Variants in DPP10 observed in about 807,000 individuals in gnomAD.
DPP10 encodes inactive dipeptidyl peptidase 10.
Under a neutral mutation model 120.9 loss-of-function variants are expected in DPP10, and 33 were observed. That is an observed-to-expected ratio of 0.27 (90% CI 0.21 to 0.37). The LOEUF is 0.37. DPP10 is among the 10% of genes least tolerant of loss of function. DPP10 has a pLI of 1.00. For missense variants in DPP10, 816 were observed against 942.8 expected (o/e 0.87, Z 1.76); for synonymous variants, 337 against 326.1 (o/e 1.03, Z -0.36).
At position 115,780,879 on chromosome 2, in the gene DPP10, C is replaced by A; in HGVS notation, c.1367C>A (p.Ser456Tyr). The A allele has an allele frequency of 1.2e-6, 2 of 1,600,336 alleles. No individual in the cohort carries two copies. The highest frequency in any genetic ancestry group is 8.5e-7 in the Non-Finnish European group (1 of 1,171,780). Residue 456 changes from serine to tyrosine, a missense_variant, in exon 16 of 26, where the codon TCT (serine) becomes TAT (tyrosine). By Grantham distance (144) the Ser-to-Tyr change is moderately radical (BLOSUM62 -2). This residue lies in a region of DPP10 where 592 missense variants were observed against 649.0 expected (regional missense o/e 0.91). Coordinates refer to ENST00000410059, the MANE Select transcript of DPP10 (RefSeq NM_020868.6). The part of the protein sequence containing the change: ...SPRGRQLYSA[S>Y]TEGLLNRQCI... ...CTTCCTTTTTCTTTCTCCAGTGCTT[C>A]TACTGAAGGATTATTGAATCGCCAA...
intron 1 of DPP10, among the ~76,000 whole-genome samples, chr2:115,137,048 T>C (rs772197403): frequency 3.3e-5 from 5 of 152,032 alleles, no homozygotes; most frequent in African/African-American, 1.2e-4. Context: ...AACAAGGCAG[T>C]CCCAGAGTAG....
At chr2:115,659,056 T>C (rs188142578) in intron 5 of DPP10, among the ~76,000 whole-genome samples, 271 of 152,246 alleles carry the variant, frequency 1.8e-3, no homozygotes, top group African/African-American at 6.3e-3. Flanking sequence ...GCCATTATTA[T>C]TGAGTGGGTT....
intron 3 of DPP10, among the ~76,000 whole-genome samples, chr2:115,433,782 G>A (rs1574833252): frequency 6.6e-6 from 1 of 151,914 alleles, no homozygotes; most frequent in African/African-American, 2.4e-5. Context: ...CAGGGCTGAT[G>A]TTTTCTGTAA....
chr2:114,865,396 T>C (rs1690143463), intron 1 of DPP10, among the ~76,000 whole-genome samples: 1 of 152,238 alleles, frequency 6.6e-6, no homozygotes, highest in Non-Finnish European at 1.5e-5. Context: ...CTGAGTGACT[T>C]GCTTGCAGAA....
At chr2:115,405,038 T>C (rs11683441) in intron 3 of DPP10, among the ~76,000 whole-genome samples, 77,501 of 151,988 alleles carry the variant, frequency 0.51, 21,151 homozygotes, top group Non-Finnish European at 0.63. Context: ...ATGAAAAATG[T>C]TTTCAACCCA....
chr2:115,579,392 T>G (rs2081883191), intron 5 of DPP10: 1 of 152,172 alleles, frequency 6.6e-6, no homozygotes, highest in African/African-American at 2.4e-5. Context: ...ACAGACAAGT[T>G]TTTTAAAGCA....
chr2:114,509,484 T>G (rs571263739), intron 1 of DPP10, among the ~76,000 whole-genome samples: 34 of 152,156 alleles, frequency 2.2e-4, no homozygotes, highest in Non-Finnish European at 4.1e-4. Context: ...GTTTGGAGGG[T>G]AGCAGGCCTG....
At chr2:115,592,144 G>T (rs1026058007) in intron 5 of DPP10, among the ~76,000 whole-genome samples, 1 of 152,134 alleles carries the variant, frequency 6.6e-6, no homozygotes, top group African/African-American at 2.4e-5. Context: ...TATTTAATGT[G>T]TACACGTGAG....
chr2:114,585,109 G>A (rs1401606546), intron 1 of DPP10, among the ~76,000 whole-genome samples: 1 of 152,180 alleles, frequency 6.6e-6, no homozygotes, highest in Non-Finnish European at 1.5e-5. Flanking sequence ...TCACTGCATA[G>A]CTGGGTTCTC....
At chr2:114,812,411 C>T (rs898673174) in intron 1 of DPP10, among the ~76,000 whole-genome samples, 1 of 151,770 alleles carries the variant, frequency 6.6e-6, no homozygotes, top group Non-Finnish European at 1.5e-5. Flanking sequence ...CATGGCAAGA[C>T]CTCATCTCTA....
At chr2:115,246,809 A>G (rs1673336476) in intron 1 of DPP10, among the ~76,000 whole-genome samples, 1 of 152,174 alleles carries the variant, frequency 6.6e-6, no homozygotes, top group South Asian at 2.1e-4. Context: ...TAAAATAAGT[A>G]TAACCACATC....
At chr2:114,728,427 C>T (rs895692878) in intron 1 of DPP10, among the ~76,000 whole-genome samples, 7 of 152,158 alleles carry the variant, frequency 4.6e-5, no homozygotes, top group East Asian at 1.9e-4. Flanking sequence ...TTCTGAGCCT[C>T]GGGTGTTTGT....
intron 1 of DPP10, among the ~76,000 whole-genome samples, chr2:115,296,677 C>A (rs2060898781): frequency 6.6e-6 from 1 of 152,062 alleles, no homozygotes; most frequent in Admixed American, 6.6e-5. Context: ...GCATCTTGCA[C>A]CACAGTGCTG....
At chr2:115,822,783 G>A (rs754157303) in intron 21 of DPP10, among the ~76,000 whole-genome samples, 2 of 151,784 alleles carry the variant, frequency 1.3e-5, no homozygotes, top group Non-Finnish European at 2.9e-5. Flanking sequence ...TATTAAAAAT[G>A]TGTTAAAATC....
chr2:115,160,378 A>T (rs573161035), intron 1 of DPP10, among the ~76,000 whole-genome samples: 1 of 152,282 alleles, frequency 6.6e-6, no homozygotes. Context: ...ATTTAGGACA[A>T]CATTATAATT....
intron 1 of DPP10, among the ~76,000 whole-genome samples, chr2:115,136,966 T>G (rs1260252743): frequency 6.6e-6 from 1 of 152,200 alleles, no homozygotes; most frequent in African/African-American, 2.4e-5. Flanking sequence ...TGAAGTTCAG[T>G]TAGCTCAGTC....
chr2:115,785,641 C>G (rs1168965739), intron 17 of DPP10, among the ~76,000 whole-genome samples: 1 of 152,106 alleles, frequency 6.6e-6, no homozygotes, highest in Non-Finnish European at 1.5e-5. Context: ...TCATAATAGT[C>G]TCTGAAGGCT....
At chr2:114,582,841 C>T (rs1449483262) in intron 1 of DPP10, among the ~76,000 whole-genome samples, 1 of 152,000 alleles carries the variant, frequency 6.6e-6, no homozygotes, top group Non-Finnish European at 1.5e-5. Context: ...AATTTGAACT[C>T]AACTTGGCTG....
chr2:114,746,252 G>C (rs1678569059), intron 1 of DPP10, among the ~76,000 whole-genome samples: 1 of 152,064 alleles, frequency 6.6e-6, no homozygotes, highest in South Asian at 2.1e-4. Context: ...AATGCCAATA[G>C]AAATAACCAT....
Sources: gnomAD v4.1 joint callset for allele counts (sites outside exome capture counted in the v4.1 genomes callset) on GRCh38, gnomAD v4.1.1 for gene constraint, gnomAD v4.1.1 regional missense constraint, MANE v1.5 for transcripts, NCBI Gene and HGNC (gene_info 2026-07-23, HGNC 2026-07-21) for gene names.